EIF4G3: variants seen among roughly 807,000 people sequenced by gnomAD.
EIF4G3 encodes eIF-4-gamma 3.
EIF4G3 carries 34 observed loss-of-function variants against 186.4 expected under a neutral mutation model. The ratio of observed to expected loss-of-function variants is 0.18; its 90% CI spans 0.14 to 0.24. The LOEUF (loss-of-function observed/expected upper bound fraction) is 0.24, where lower values mean the gene tolerates loss of function less well. Ranked by LOEUF, EIF4G3 falls within the 10% of genes least tolerant of loss-of-function variation. The probability of loss-of-function intolerance (pLI) is 1.00; values close to 1 mark genes in which losing one functional copy is unlikely to be tolerated. For synonymous variants in EIF4G3, 673 were observed against 679.5 expected (o/e 0.99, Z 0.15); for missense variants, 1,536 against 1,948.5 (o/e 0.79, Z 3.99).
chr1:21,047,572 C>G (rs1208483893), intron 4 of EIF4G3, among the ~76,000 whole-genome samples: 1 of 152,140 alleles, frequency 6.6e-6, no homozygotes, highest in Non-Finnish European at 1.5e-5. Flanking sequence ...TAGCCCATTC[C>G]CCACCCTGCT....
chr1:20,812,860 G>A (rs1352116886), intron 35 of EIF4G3, among the ~76,000 whole-genome samples: 5 of 152,064 alleles, frequency 3.3e-5, no homozygotes, highest in African/African-American at 4.8e-5. Context: ...AGGAGGAGGC[G>A]GCCCTGAATG....
intron 19 of EIF4G3, among the ~76,000 whole-genome samples, chr1:20,881,518 G>A (rs1572133329): frequency 6.6e-6 from 1 of 152,306 alleles, no homozygotes; most frequent in South Asian, 2.1e-4. Context: ...TAGGTATGGT[G>A]GCTCATGCCT....
At chr1:21,114,576 C>T (rs1422189158) in intron 2 of EIF4G3, among the ~76,000 whole-genome samples, 1 of 152,138 alleles carries the variant, frequency 6.6e-6, no homozygotes. Flanking sequence ...AAAGCCATTT[C>T]GGCTTGCCAC....
chr1:21,130,923 C>T (rs1573011027), intron 2 of EIF4G3, among the ~76,000 whole-genome samples: 2 of 151,884 alleles, frequency 1.3e-5, no homozygotes, highest in Middle Eastern at 3.4e-3. Flanking sequence ...CAGACTGGGC[C>T]CAATTGATGA....
chr1:20,942,552 A>C (rs1031127503), intron 13 of EIF4G3, among the ~76,000 whole-genome samples: 1 of 152,178 alleles, frequency 6.6e-6, no homozygotes, highest in South Asian at 2.1e-4. Flanking sequence ...TTGGAGTAAG[A>C]GAAGGAATCT....
chr1:21,130,726 T>C (rs1401810603), intron 2 of EIF4G3, among the ~76,000 whole-genome samples: 1 of 152,018 alleles, frequency 6.6e-6, no homozygotes, highest in African/African-American at 2.4e-5. Context: ...GATTCAGGGA[T>C]GATACAGAAG....
chr1:21,114,172 G>A (rs1372435996), intron 2 of EIF4G3, among the ~76,000 whole-genome samples: 1 of 149,470 alleles, frequency 6.7e-6, no homozygotes, highest in East Asian at 2.0e-4. Flanking sequence ...TCCTTGAGAC[G>A]AGTCTCGCTC....
chr1:21,121,644 G>A (rs1215593142), intron 2 of EIF4G3, among the ~76,000 whole-genome samples: 2 of 151,914 alleles, frequency 1.3e-5, no homozygotes, highest in East Asian at 1.9e-4. Context: ...GCGTGGTGGT[G>A]CACACCTGTA....
intron 2 of EIF4G3, among the ~76,000 whole-genome samples, chr1:21,144,056 A>G (rs2097391604): frequency 1.3e-5 from 2 of 152,188 alleles, no homozygotes; most frequent in African/African-American, 4.8e-5. Flanking sequence ...AAGAAAGCAA[A>G]TAACTAAATG....
At chr1:20,870,768 T>C (rs1369009607) in intron 20 of EIF4G3, among the ~76,000 whole-genome samples, 1 of 152,238 alleles carries the variant, frequency 6.6e-6, no homozygotes, top group Non-Finnish European at 1.5e-5. Flanking sequence ...AAAGAAATGC[T>C]GAATTCTAGT....
At chr1:21,166,127 T>TTTTTTTTTTTTTTTTTTTTTTTTTTGAG (rs1387588547) in intron 2 of EIF4G3, among the ~76,000 whole-genome samples, 1 of 149,052 alleles carries the variant, frequency 6.7e-6, no homozygotes, top group African/African-American at 2.5e-5. Flanking sequence ...TTTTTCCTTT[T>TTTTTTTTTTTTTTTTTTTTTTTTTTGAG]AAAAATTCAT....
At chr1:21,166,127 T>TTTTTTTTTTTTTTG (rs1387588547) in intron 2 of EIF4G3, among the ~76,000 whole-genome samples, 2 of 149,048 alleles carry the variant, frequency 1.3e-5, no homozygotes, top group African/African-American at 2.5e-5. Context: ...TTTTTCCTTT[T>TTTTTTTTTTTTTTG]AAAAATTCAT....
chr1:21,072,873 G>A (rs1401435337), intron 3 of EIF4G3, among the ~76,000 whole-genome samples: 1 of 152,232 alleles, frequency 6.6e-6, no homozygotes, highest in Admixed American at 6.5e-5. Context: ...GCAGCTGCTG[G>A]TACATATCTG....
At chr1:21,164,374 G>A (rs749353741) in intron 2 of EIF4G3, among the ~76,000 whole-genome samples, 11 of 152,110 alleles carry the variant, frequency 7.2e-5, no homozygotes, top group Non-Finnish European at 1.6e-4. Context: ...TATCCAATAG[G>A]CCTTATTTTA....
chr1:20,998,913 C>A, intron 6 of EIF4G3: 1 of 323,110 alleles, frequency 3.1e-6, no homozygotes, highest in Non-Finnish European at 6.3e-6. Flanking sequence ...TAGAGACTTC[C>A]TTCTGTCAGC....
chr1:21,060,711 G>A (rs2094849080), intron 3 of EIF4G3, among the ~76,000 whole-genome samples: 1 of 150,718 alleles, frequency 6.6e-6, no homozygotes, highest in Admixed American at 6.6e-5. Flanking sequence ...GCGCTGTAAG[G>A]CACCATGATC....
chr1:21,132,632 G>T (rs72973154), intron 2 of EIF4G3, among the ~76,000 whole-genome samples: 43,753 of 151,832 alleles, frequency 0.29, 8,065 homozygotes, highest in Non-Finnish European at 0.41. Context: ...TAGAGATGGG[G>T]TGTCACTATG....
At chr1:21,060,995 G>A (rs766357513) in intron 3 of EIF4G3, among the ~76,000 whole-genome samples, 1 of 152,030 alleles carries the variant, frequency 6.6e-6, no homozygotes, top group South Asian at 2.1e-4. Context: ...CAGTAAAAGA[G>A]ACTAAAATCC....
intron 4 of EIF4G3, among the ~76,000 whole-genome samples, chr1:21,023,271 C>T (rs993748475): frequency 1.3e-4 from 18 of 136,760 alleles, no homozygotes; most frequent in Non-Finnish European, 2.4e-4. Flanking sequence ...CCTCCCTCTC[C>T]CTCTCCCCAC....
Sources: allele counts gnomAD v4.1 joint callset (sites outside exome capture counted in the v4.1 genomes callset), GRCh38; gene constraint gnomAD v4.1.1; transcripts MANE v1.5; gene names NCBI Gene and HGNC (gene_info 2026-07-23, HGNC 2026-07-21).